MYH14: variants seen among roughly 807,000 people sequenced by gnomAD.
MYH14 encodes myosin-14.
Under a neutral mutation model 255.5 loss-of-function variants are expected in MYH14, and 123 were observed. The observed-to-expected ratio is 0.48, with a 90% CI of 0.42 to 0.56. The LOEUF (loss-of-function observed/expected upper bound fraction) is 0.56. Ranked by LOEUF, MYH14 falls within the 20% of genes least tolerant of loss-of-function variation. The pLI is 0.00. For missense variants in MYH14, 2,423 were observed against 2,802.3 expected (o/e 0.86, Z 3.06); for synonymous variants, 1,095 against 1,161.2 (o/e 0.94, Z 1.16).
intron 3 of MYH14, among the ~76,000 whole-genome samples, chr19:50,218,892 C>A (rs962166100): frequency 4.0e-5 from 6 of 151,798 alleles, no homozygotes; most frequent in African/African-American, 1.5e-4. Flanking sequence ...ACCTCACTTA[C>A]AATAATGGTC....
intron 40 of MYH14, 66 bp downstream of exon 40, chr19:50,301,935 G>C: frequency 3.0e-6 from 4 of 1,312,414 alleles, no homozygotes; most frequent in Non-Finnish European, 4.3e-6. Flanking sequence ...GAGGAAGGAG[G>C]CTGTGTTACA....
Position 50,292,290 on chromosome 19 carries a change from G to T in MYH14, c.5157G>T (p.Val1719=). 1 of 1,601,668 alleles carries T rather than the reference G, an allele frequency of 6.2e-7. No individual in the cohort carries two copies. The highest frequency in any genetic ancestry group is 8.5e-7 in the Non-Finnish European group (1 of 1,174,838). ...QAQMKELWRE[V]EETRTSREEI... ...AGATGAAGGAGCTATGGCGGGAGGTGGAGGAGACACGCACCTCCCGGGAGG... is the reference window on the plus strand; with the variant it reads ...AGATGAAGGAGCTATGGCGGGAGGTTGAGGAGACACGCACCTCCCGGGAGG... The change falls in exon 37 of 43, where the codon GTG becomes GTT. Residue 1719 remains valine, a synonymous_variant. Transcript: ENST00000642316.
chr19:50,239,969 G>T (rs1451920524), intron 10 of MYH14, among the ~76,000 whole-genome samples: 1 of 152,158 alleles, frequency 6.6e-6, no homozygotes, highest in Non-Finnish European at 1.5e-5. Context: ...TGTATATCCA[G>T]CACCCAGGAG....
chr19:50,301,950 C>T (rs1220912474), intron 40 of MYH14, 81 bp downstream of exon 40: 10 of 1,181,834 alleles, frequency 8.5e-6, no homozygotes, highest in African/African-American at 3.0e-5. Flanking sequence ...GTTACAAACA[C>T]GTGGTTTAGA....
At chr19:50,215,900 C>T (rs73932438) in intron 2 of MYH14, among the ~76,000 whole-genome samples, 2,463 of 152,310 alleles carry the variant, frequency 0.016, 61 homozygotes, top group African/African-American at 0.056. Context: ...GTAGGTTACC[C>T]TACTTTATCA....
At chr19:50,225,229 T>C (rs138559665) in intron 6 of MYH14, among the ~76,000 whole-genome samples, 1 of 152,366 alleles carries the variant, frequency 6.6e-6, no homozygotes, top group African/African-American at 2.4e-5. Context: ...TTTCTCCATA[T>C]GTTTACAAAC....
Position 50,259,258 on chromosome 19 carries a change from C to T in MYH14, c.2347C>T (p.Arg783Trp), listed in dbSNP as rs747057989. ...FPNRILFQEF[R>W]QRYEILTPNA... The stretch of plus-strand genomic sequence containing the variant: ...CAACCGCATCCTCTTCCAGGAGTTC[C>T]GGCAGCGGTGAGCTAGAGCGAGGGC... Residue 783 changes from arginine to tryptophan, a missense_variant, in exon 19 of 43, where the codon CGG (arginine) becomes TGG (tryptophan). Physicochemically the swap from Arg to Trp is moderately radical, Grantham distance 101. Around this residue, in one of 3 missense-constraint regions of MYH14, gnomAD observed 672 missense variants for 881.8 expected, o/e 0.76. Transcript: ENST00000642316. 7 of 1,578,820 alleles carry T rather than the reference C, an allele frequency of 4.4e-6. No individual in the cohort carries two copies. Among genetic ancestry groups the T allele is most frequent in the East Asian group, 2.3e-5 (1 of 43,278 alleles).
Position 50,309,827 on chromosome 19 carries a change from C to T in MYH14, c.*37C>T. ...CCCCAGATGCACTAACAGATGGGGCCCAGCCCCCTTCCTCCCTGGACCCCA... is the reference window on the plus strand; with the variant it reads ...CCCCAGATGCACTAACAGATGGGGCTCAGCCCCCTTCCTCCCTGGACCCCA... On this transcript the variant is annotated 3_prime_UTR_variant, in exon 43 of 43. Coordinates refer to ENST00000642316, the MANE Select transcript of MYH14 (RefSeq NM_001145809.2). 6.4e-7 allele frequency: 1 copy of T among 1,551,390 alleles called. No individual in the cohort carries two copies. Among genetic ancestry groups the T allele is most frequent in the Non-Finnish European group, 8.7e-7 (1 of 1,144,866 alleles).
At chr19:50,309,273 G>A (rs1478245509) in intron 42 of MYH14, 96 bp downstream of exon 42, 1 of 1,249,376 alleles carries the variant, frequency 8.0e-7, no homozygotes, top group African/African-American at 1.5e-5. Flanking sequence ...ACAACAGGGG[G>A]AAATGGGATC....
chr19:50,212,123 G>A (rs2032229153), intron 2 of MYH14, among the ~76,000 whole-genome samples: 1 of 152,174 alleles, frequency 6.6e-6, no homozygotes, highest in Admixed American at 6.5e-5. Context: ...CAAACGGATG[G>A]GGTAGAGCAG....
intron 40 of MYH14, 72 bp downstream of exon 40, chr19:50,301,941 T>C: frequency 8.0e-7 from 1 of 1,247,634 alleles, no homozygotes; most frequent in Non-Finnish European, 1.1e-6. Flanking sequence ...GGAGGCTGTG[T>C]TACAAACACG....
intron 8 of MYH14, among the ~76,000 whole-genome samples, chr19:50,227,193 A>T (rs1272856271): frequency 2.0e-5 from 3 of 152,066 alleles, no homozygotes; most frequent in Non-Finnish European, 4.4e-5. Context: ...CAGTTCAGCC[A>T]TAAGGGGAGT....
At chr19:50,205,504 G>C (rs1188649540) in intron 1 of MYH14, 1 of 152,294 alleles carries the variant, frequency 6.6e-6, no homozygotes, top group Non-Finnish European at 1.5e-5. Flanking sequence ...TGAAGAGAAC[G>C]GGGATTCCCG....
At position 50,247,073 on chromosome 19, in the gene MYH14, G is replaced by A. The variant is rs1270544217; in HGVS notation, c.1280G>A (p.Arg427His). 6.8e-6 allele frequency: 11 copies of A among 1,613,378 alleles called. No individual in the cohort carries two copies. Among genetic ancestry groups the A allele is most frequent in the East Asian group, 6.7e-5 (3 of 44,890 alleles). The change falls in exon 12 of 43, where the codon CGC becomes CAC. Residue 427 changes from arginine to histidine, a missense_variant. This residue lies in a region of MYH14 where 672 missense variants were observed against 881.8 expected (regional missense o/e 0.76). Coordinates refer to ENST00000642316, the MANE Select transcript of MYH14 (RefSeq NM_001145809.2). ...TDFSRALLTPRIKVGRDYVQK... is the reference protein window; with the variant it reads ...TDFSRALLTPHIKVGRDYVQK... ...TTCTCCCGAGCCTTGCTCACCCCTCGCATCAAAGTTGGCCGAGACTATGTG... is the reference window on the plus strand; with the variant it reads ...TTCTCCCGAGCCTTGCTCACCCCTCACATCAAAGTTGGCCGAGACTATGTG...
chr19:50,248,639 G>A (rs375200517), intron 12 of MYH14, among the ~76,000 whole-genome samples: 10 of 152,238 alleles, frequency 6.6e-5, no homozygotes, highest in South Asian at 4.1e-4. Flanking sequence ...TTATTCACAT[G>A]CCTGAAATCA....
intron 8 of MYH14, among the ~76,000 whole-genome samples, chr19:50,229,375 C>T (rs1283684393): frequency 1.3e-5 from 2 of 152,142 alleles, no homozygotes; most frequent in African/African-American, 4.8e-5. Context: ...TGGCTGGGCG[C>T]AGTGGCTCAT....
rs754586203 is a variant in MYH14, at chr19:50,259,221, C to T, written c.2310C>T (p.Arg770=). 7 of 1,588,930 alleles carry T rather than the reference C, an allele frequency of 4.4e-6. No individual in the cohort carries two copies. The East Asian group carries it at 1.4e-4, about 31-fold the overall frequency. The part of the protein sequence containing the change: ...NGVLEGIRIC[R]QGFPNRILFQ... The stretch of plus-strand genomic sequence containing the variant: ...TCCTGGAGGGCATCCGCATCTGTCG[C>T]CAGGGCTTCCCCAACCGCATCCTCT... The change falls in exon 19 of 43, where the codon CGC becomes CGT. Residue 770 remains arginine, a synonymous_variant. Coordinates refer to ENST00000642316, the MANE Select transcript of MYH14 (RefSeq NM_001145809.2).
chr19:50,246,835 T>A (rs928586156), intron 11 of MYH14, among the ~76,000 whole-genome samples, 169 bp from the exon 12 acceptor site: 6 of 151,914 alleles, frequency 3.9e-5, no homozygotes, highest in Admixed American at 3.3e-4. Flanking sequence ...GGAAAAAAAA[T>A]AGTTGGGCAG....
At chr19:50,294,939 C>T (rs942369371) in intron 39 of MYH14, among the ~76,000 whole-genome samples, 2 of 150,492 alleles carry the variant, frequency 1.3e-5, no homozygotes, top group Non-Finnish European at 3.0e-5. Flanking sequence ...TCATCTACTA[C>T]GTCCTTGACA....
Sources: allele counts gnomAD v4.1 joint callset (sites outside exome capture counted in the v4.1 genomes callset), GRCh38; gene constraint gnomAD v4.1.1; regional missense constraint gnomAD v4.1.1; transcripts MANE v1.5; gene names NCBI Gene and HGNC (gene_info 2026-07-23, HGNC 2026-07-21).